The following CEP112 variants were observed in gnomAD, a reference collection of about 807,000 sequenced individuals.
CEP112 encodes centrosomal protein 112, also known as centrosomal protein of 112 kDa.
Under a neutral mutation model 153.0 loss-of-function variants are expected in CEP112, and 127 were observed. The observed-to-expected ratio is 0.83, with a 90% CI of 0.72 to 0.96. The LOEUF (loss-of-function observed/expected upper bound fraction) is 0.96. Ranked by LOEUF, CEP112 falls within the 40% of genes least tolerant of loss-of-function variation. The pLI, the probability that CEP112 is intolerant of heterozygous loss-of-function variation, is 0.00. For synonymous variants in CEP112, 358 were observed against 374.4 expected (o/e 0.96, Z 0.51); for missense variants, 1,089 against 1,101.2 (o/e 0.99, Z 0.16).
At chr17:66,043,728 A>T (rs1027000365) in intron 12 of CEP112, among the ~76,000 whole-genome samples, 1 of 152,228 alleles carries the variant, frequency 6.6e-6, no homozygotes, top group African/African-American at 2.4e-5. Context: ...TATTGTTTGC[A>T]TATTTTCACT....
chr17:66,187,900 C>A lies in CEP112; in HGVS notation c.-9+4097G>T, dbSNP rs117014885. On this transcript the variant is annotated intron_variant, in intron 1 of 26. Transcript: ENST00000535342. ...TATGATGTACTCTGCTTGATGACAT[C>A]ATCATCTACTTCATCTCCCAAGCTA... Among the ~76,000 whole-genome samples the A allele has an allele frequency of 1.7e-4, 26 of 152,234 alleles. No individual in the cohort carries two copies. The East Asian group carries it at 4.8e-3, about 28-fold the overall frequency.
chr17:65,996,363 T>A (rs1428557672), intron 17 of CEP112, among the ~76,000 whole-genome samples: 1 of 121,064 alleles, frequency 8.3e-6, no homozygotes, highest in African/African-American at 2.7e-5. Context: ...AAAATCAATA[T>A]TTATACTTCA....
intron 20 of CEP112, chr17:65,873,096 C>T (rs780321435): frequency 2.6e-5 from 4 of 152,232 alleles, no homozygotes; most frequent in Non-Finnish European, 5.9e-5. Flanking sequence ...AGCTTGCACT[C>T]TCCCTCCCAC....
chr17:65,927,741 C>T, intron 18 of CEP112, 52 bp from the exon 19 acceptor site: 1 of 1,158,106 alleles, frequency 8.6e-7, no homozygotes, highest in Non-Finnish European at 1.2e-6. Flanking sequence ...AATTGTGTTC[C>T]ATGTTTTTGT....
chr17:65,776,482 C>T (rs969043390), intron 21 of CEP112, among the ~76,000 whole-genome samples: 1 of 152,218 alleles, frequency 6.6e-6, no homozygotes, highest in African/African-American at 2.4e-5. Flanking sequence ...GCCTTGGCCT[C>T]CCAAAGTTCT....
chr17:66,080,047 A>G (rs907318960), intron 8 of CEP112, among the ~76,000 whole-genome samples: 5 of 152,230 alleles, frequency 3.3e-5, no homozygotes, highest in Non-Finnish European at 2.9e-5. Context: ...ATCTAAAACC[A>G]TAAAAACCCT....
chr17:65,870,125 G>C (rs551055563), intron 20 of CEP112, among the ~76,000 whole-genome samples: 1 of 139,920 alleles, frequency 7.1e-6, no homozygotes, highest in South Asian at 2.3e-4. Flanking sequence ...AGCAATCAGT[G>C]TATGTGCTTA....
intron 6 of CEP112, among the ~76,000 whole-genome samples, chr17:66,106,723 G>T (rs1458707904): frequency 6.6e-6 from 1 of 151,910 alleles, no homozygotes; most frequent in Non-Finnish European, 1.5e-5. Context: ...ATTTAAAAAA[G>T]AACTAATATC....
intron 21 of CEP112, among the ~76,000 whole-genome samples, chr17:65,810,279 C>A (rs1458664080): frequency 6.6e-6 from 1 of 152,088 alleles, no homozygotes; most frequent in African/African-American, 2.4e-5. Context: ...ATATACCCCC[C>A]TCCCTATTGC....
At chr17:65,964,133 G>A (rs2062323467) in intron 17 of CEP112, among the ~76,000 whole-genome samples, 1 of 152,196 alleles carries the variant, frequency 6.6e-6, no homozygotes, top group South Asian at 2.1e-4. Flanking sequence ...TCTTCAACTT[G>A]TCTACTTTAA....
At chr17:66,163,768 T>C (rs992625137) in intron 4 of CEP112, among the ~76,000 whole-genome samples, 1 of 152,180 alleles carries the variant, frequency 6.6e-6, no homozygotes, top group Non-Finnish European at 1.5e-5. Flanking sequence ...CTTAGAACAC[T>C]CAATATTTAA....
chr17:66,129,396 T>C (rs1255650332), intron 6 of CEP112, among the ~76,000 whole-genome samples: 4 of 152,198 alleles, frequency 2.6e-5, no homozygotes, highest in Non-Finnish European at 4.4e-5. Context: ...CAAATGGCTG[T>C]GTTGCTTCAA....
chr17:65,773,061 G>C (rs565946171), intron 21 of CEP112, among the ~76,000 whole-genome samples: 1 of 152,254 alleles, frequency 6.6e-6, no homozygotes, highest in South Asian at 2.1e-4. Flanking sequence ...CACTGAAACC[G>C]AGAGACCCAG....
At chr17:65,970,588 T>C (rs901561805) in intron 17 of CEP112, among the ~76,000 whole-genome samples, 1 of 152,070 alleles carries the variant, frequency 6.6e-6, no homozygotes, top group Non-Finnish European at 1.5e-5. Flanking sequence ...TGCGTGCATT[T>C]TATATATTAC....
In CEP112 at chr17:65,961,424, G is replaced by C. The variant is rs2062194758; in HGVS notation, c.1872+39C>G. On this transcript the variant is annotated intron_variant, in intron 18 of 26. Coordinates refer to ENST00000535342, the MANE Select transcript of CEP112 (RefSeq NM_001199165.4). ...ATGAGAATGTACCTTCCTACTGAGAGAGTGACTTTCAAAAGGGATGGTGTG... is the reference window on the plus strand; with the variant it reads ...ATGAGAATGTACCTTCCTACTGAGACAGTGACTTTCAAAAGGGATGGTGTG... 4.5e-6 allele frequency: 7 copies of C among 1,545,112 alleles called. No individual in the cohort carries two copies. In the African/African-American group the frequency reaches 5.4e-5, roughly 12 times the overall value.
intron 19 of CEP112, among the ~76,000 whole-genome samples, chr17:65,917,373 T>C (rs1479501859): frequency 6.6e-6 from 1 of 152,132 alleles, no homozygotes; most frequent in East Asian, 1.9e-4. Flanking sequence ...GGATGTACCA[T>C]AAATCATACA....
chr17:66,111,193 C>T lies in CEP112; in HGVS notation c.643-14561G>A, dbSNP rs551271820. ...CACCAGTCAGAATGGCTACTATAAACAAAATCAAAAAATAACAGATGCTGG... is the reference window on the plus strand; with the variant it reads ...CACCAGTCAGAATGGCTACTATAAATAAAATCAAAAAATAACAGATGCTGG... On this transcript the variant is annotated intron_variant, in intron 6 of 26. Coordinates refer to ENST00000535342, the MANE Select transcript of CEP112 (RefSeq NM_001199165.4). Among the ~76,000 whole-genome samples, 6 of 152,098 alleles carry T rather than the reference C, an allele frequency of 3.9e-5. 1 individual carries two copies. Among genetic ancestry groups the T allele is most frequent in the Non-Finnish European group, 7.4e-5 (5 of 67,950 alleles).
intron 19 of CEP112, among the ~76,000 whole-genome samples, chr17:65,923,737 C>T (rs184386283): frequency 3.3e-5 from 5 of 152,120 alleles, no homozygotes; most frequent in Admixed American, 3.3e-4. Context: ...ACCCATAATA[C>T]CAGGCCAATT....
intron 21 of CEP112, among the ~76,000 whole-genome samples, chr17:65,836,308 A>G (rs565888408): frequency 4.6e-5 from 7 of 152,234 alleles, no homozygotes; most frequent in Admixed American, 1.3e-4. Context: ...TTTGAATGCA[A>G]ATGGGTTAAA....
Sources: gnomAD v4.1 joint callset for allele counts (sites outside exome capture counted in the v4.1 genomes callset) on GRCh38, gnomAD v4.1.1 for gene constraint, MANE v1.5 for transcripts, NCBI Gene and HGNC (gene_info 2026-07-23, HGNC 2026-07-21) for gene names.